Variants in DNM3 observed in about 807,000 individuals in gnomAD.
DNM3 encodes the protein dynamin-3.
In DNM3, 47 loss-of-function variants were observed where a neutral mutation model predicts 101.6. The observed-to-expected ratio is 0.46, with a 90% CI of 0.37 to 0.59. The LOEUF is 0.59. DNM3 is among the 20% of genes least tolerant of loss of function. The pLI is 0.00. For missense variants in DNM3, 849 were observed against 1,085.7 expected (o/e 0.78, Z 3.06); for synonymous variants, 385 against 387.9 (o/e 0.99, Z 0.09).
intron 14 of DNM3, among the ~76,000 whole-genome samples, chr1:172,161,497 A>C (rs1242030080): frequency 1.3e-5 from 2 of 152,020 alleles, no homozygotes; most frequent in African/African-American, 4.8e-5. Context: ...AAAATCAATC[A>C]AGAAAAATGC....
At position 171,983,401 on chromosome 1, in the gene DNM3, TA is replaced by T. The variant is rs2044987448; in HGVS notation, c.236-4252del. On this transcript the variant is annotated intron_variant, in intron 2 of 20. Coordinates refer to ENST00000627582, the MANE Select transcript of DNM3 (RefSeq NM_015569.5). Reference sequence around the variant, plus strand: ...TGAGCCCAGGAGGTTGAGGCTGCCTTAAACCTCCTCCTGAAGGATCCTCAAG... The same window carrying T: ...TGAGCCCAGGAGGTTGAGGCTGCCTTAACCTCCTCCTGAAGGATCCTCAAG... Among the ~76,000 whole-genome samples the T allele has an allele frequency of 1.3e-5, 2 of 148,568 alleles. 1 individual carries two copies. Among genetic ancestry groups the T allele is most frequent in the Non-Finnish European group, 3.0e-5 (2 of 67,178 alleles).
At chr1:171,967,765 G>A (rs2125532003) in intron 2 of DNM3, among the ~76,000 whole-genome samples, 1 of 152,224 alleles carries the variant, frequency 6.6e-6, no homozygotes, top group South Asian at 2.1e-4. Flanking sequence ...CCTTTGTTCT[G>A]TGCAGTTCTG....
At chr1:172,249,571 G>A (rs1037336222) in intron 14 of DNM3, among the ~76,000 whole-genome samples, 1 of 152,008 alleles carries the variant, frequency 6.6e-6, no homozygotes, top group Admixed American at 6.6e-5. Flanking sequence ...ATTGAGGAAA[G>A]ATACTATATT....
intron 13 of DNM3, among the ~76,000 whole-genome samples, chr1:172,130,022 G>A (rs1040366066): frequency 6.6e-6 from 1 of 151,512 alleles, no homozygotes; most frequent in African/African-American, 2.4e-5. Flanking sequence ...TATGGAGAGA[G>A]GCTTGGAAGA....
At chr1:172,219,870 A>G (rs2148559010) in intron 14 of DNM3, among the ~76,000 whole-genome samples, 1 of 152,248 alleles carries the variant, frequency 6.6e-6, no homozygotes, top group South Asian at 2.1e-4. Context: ...GGTACATTTT[A>G]CATAGGAGAT....
chr1:171,914,100 A>G (rs1387115173), intron 1 of DNM3, among the ~76,000 whole-genome samples: 1 of 152,102 alleles, frequency 6.6e-6, no homozygotes, highest in Non-Finnish European at 1.5e-5. Context: ...AGAAAATTGT[A>G]TTAAATACTT....
intron 17 of DNM3, among the ~76,000 whole-genome samples, chr1:172,367,600 C>A (rs1397387901): frequency 2.6e-5 from 4 of 151,768 alleles, no homozygotes; most frequent in Non-Finnish European, 1.5e-5. Flanking sequence ...ACAATAATAA[C>A]CTTGAATATG....
At chr1:171,957,725 G>A (rs1197677337) in intron 2 of DNM3, among the ~76,000 whole-genome samples, 1 of 152,136 alleles carries the variant, frequency 6.6e-6, no homozygotes, top group Non-Finnish European at 1.5e-5. Context: ...CTAAAACATA[G>A]CAAGAGTCAC....
At chr1:172,176,179 G>A (rs1232394836) in intron 14 of DNM3, among the ~76,000 whole-genome samples, 1 of 151,756 alleles carries the variant, frequency 6.6e-6, no homozygotes, top group Non-Finnish European at 1.5e-5. Context: ...TAAGGGGGAG[G>A]CAGTAGATTC....
At chr1:171,901,747 C>T (rs1458616189) in intron 1 of DNM3, among the ~76,000 whole-genome samples, 1 of 152,026 alleles carries the variant, frequency 6.6e-6, no homozygotes, top group Admixed American at 6.6e-5. Flanking sequence ...TTTAAATACT[C>T]GGTATACTAT....
chr1:172,061,886 C>G (rs1362456701), intron 10 of DNM3, among the ~76,000 whole-genome samples: 2 of 151,974 alleles, frequency 1.3e-5, no homozygotes, highest in South Asian at 2.1e-4. Flanking sequence ...AAAATACTTG[C>G]ATTTCACCCC....
intron 1 of DNM3, among the ~76,000 whole-genome samples, chr1:171,911,440 G>A (rs989796012): frequency 1.3e-5 from 2 of 151,912 alleles, no homozygotes; most frequent in East Asian, 1.9e-4. Flanking sequence ...GTGACACCAC[G>A]CCCGGCTAAT....
chr1:172,093,700 C>A, intron 13 of DNM3: 1 of 1,605,994 alleles, frequency 6.2e-7, no homozygotes, highest in South Asian at 1.1e-5. Flanking sequence ...TTTCAGGGAA[C>A]CAATCTTCCG....
chr1:172,360,284 T>C (rs1201394887), intron 17 of DNM3, among the ~76,000 whole-genome samples: 4 of 152,038 alleles, frequency 2.6e-5, no homozygotes, highest in African/African-American at 9.7e-5. Flanking sequence ...TGCAAAGTTT[T>C]CTATCTCCAC....
chr1:172,379,952 T>A (rs1285144523), intron 18 of DNM3, among the ~76,000 whole-genome samples: 1 of 152,040 alleles, frequency 6.6e-6, no homozygotes, highest in African/African-American at 2.4e-5. Flanking sequence ...CTTTTCTGAA[T>A]CTTGACAAGT....
chr1:172,068,242 CG>C lies in DNM3; in HGVS notation c.1336-576del, dbSNP rs2051857202. On this transcript the variant is annotated intron_variant, in intron 10 of 20. Coordinates refer to ENST00000627582, the MANE Select transcript of DNM3 (RefSeq NM_015569.5). ...ACTCGGGAGGCTGAGACAGGAGAATCGCTTGAACCCAGGAGGCAGAGGTTGC... is the reference window on the plus strand; with the variant it reads ...ACTCGGGAGGCTGAGACAGGAGAATCCTTGAACCCAGGAGGCAGAGGTTGC... 2.0e-5 allele frequency among the ~76,000 whole-genome samples: 3 copies of C among 152,022 alleles called. No homozygotes were observed. The South Asian group carries it at 6.2e-4, about 32-fold the overall frequency.
At chr1:172,077,195 T>C (rs1430467392) in intron 11 of DNM3, among the ~76,000 whole-genome samples, 1 of 152,170 alleles carries the variant, frequency 6.6e-6, no homozygotes, top group Admixed American at 6.5e-5. Flanking sequence ...TTCTATTTGA[T>C]TCTTCTCTCT....
At chr1:172,041,193 G>A (rs1337322681) in intron 7 of DNM3, among the ~76,000 whole-genome samples, 2 of 152,152 alleles carry the variant, frequency 1.3e-5, no homozygotes, top group African/African-American at 4.8e-5. Flanking sequence ...AACCAAGGCA[G>A]TGTCAGTAGG....
chr1:172,132,968 G>A (rs2057021040), intron 14 of DNM3: 12 of 1,541,472 alleles, frequency 7.8e-6, no homozygotes, highest in Non-Finnish European at 1.1e-5. Context: ...TTGAACCCAG[G>A]CTGTTGAGCT....
Sources: allele counts gnomAD v4.1 joint callset (sites outside exome capture counted in the v4.1 genomes callset), GRCh38; gene constraint gnomAD v4.1.1; transcripts MANE v1.5; gene names NCBI Gene and HGNC (gene_info 2026-07-23, HGNC 2026-07-21).